Variants in TSHR observed in about 807,000 individuals in gnomAD.
TSHR encodes the protein thyroid stimulating hormone receptor, also known as thyrotropin receptor.
TSHR carries 51 observed loss-of-function variants against 64.1 expected under a neutral mutation model. The observed-to-expected ratio is 0.80, with a 90% CI of 0.64 to 1.01. The LOEUF (loss-of-function observed/expected upper bound fraction) is 1.01. Among genes scored for constraint, TSHR ranks in the 50% least tolerant of loss-of-function variants. TSHR has a pLI of 0.00. For synonymous variants in TSHR, 361 were observed against 361.9 expected (o/e 1.00, Z 0.03); for missense variants, 877 against 942.8 (o/e 0.93, Z 0.91).
intron 1 of TSHR, among the ~76,000 whole-genome samples, chr14:81,043,109 A>G (rs2139849216): frequency 6.6e-6 from 1 of 152,322 alleles, no homozygotes; most frequent in African/African-American, 2.4e-5. Context: ...AGAGAAAGAA[A>G]TAAAGAGTAT....
At position 81,144,218 on chromosome 14, in the gene TSHR, G is replaced by C; in HGVS notation, c.2160G>C (p.Gln720His). The change falls in exon 10 of 10, where the codon CAG becomes CAC. Residue 720 changes from glutamine to histidine, a missense_variant. Physicochemically the swap from Gln to His is conservative, Grantham distance 24. Coordinates refer to ENST00000298171, the MANE Select transcript of TSHR (RefSeq NM_000369.5). ...CTCCAAAGAACAGCACTGATATTCA[G>C]GTTCAAAAGGTTACCCACGAGATGA... is the stretch of plus-strand genomic sequence containing the variant. Reference protein sequence around the residue: ...RVPPKNSTDIQVQKVTHEMRQ... With the variant: ...RVPPKNSTDIHVQKVTHEMRQ... 6.2e-7 allele frequency: 1 copy of C among 1,613,336 alleles called. No homozygotes were observed.
In TSHR at chr14:81,062,918, T is replaced by G. The variant is rs1886345039; in HGVS notation, c.242+699T>G. Among the ~76,000 whole-genome samples the G allele has an allele frequency of 2.6e-5, 4 of 152,216 alleles. 1 individual carries two copies. The highest frequency in any genetic ancestry group is 4.2e-4 in the South Asian group (2 of 4,818). On this transcript the variant is annotated intron_variant, in intron 2 of 9. Coordinates refer to ENST00000298171, the MANE Select transcript of TSHR (RefSeq NM_000369.5). ...TCACTCCGTGGCCATTTTGTTAGTG[T>G]TTCTGTCATTTCAGTAGTTCTCAAC...
At chr14:81,091,961 T>A (rs188824848) in intron 5 of TSHR, among the ~76,000 whole-genome samples, 8 of 152,372 alleles carry the variant, frequency 5.3e-5, no homozygotes, top group Admixed American at 5.2e-4. Context: ...AAATGTAGAA[T>A]GATAAGCTTC....
intron 1 of TSHR, among the ~76,000 whole-genome samples, chr14:81,011,101 G>A (rs1889880517): frequency 6.6e-6 from 1 of 152,212 alleles, no homozygotes; most frequent in African/African-American, 2.4e-5. Flanking sequence ...ACATGACTGA[G>A]TTGGGTTTTT....
intron 1 of TSHR, chr14:80,983,038 A>T: frequency 1.8e-6 from 1 of 546,836 alleles, no homozygotes; most frequent in East Asian, 2.8e-5. Context: ...GGGTATCCAT[A>T]ACGTTCACCC....
chr14:81,114,131 G>A lies in TSHR; in HGVS notation c.692+5679G>A, dbSNP rs114470391. On this transcript the variant is annotated intron_variant, in intron 8 of 9. Coordinates refer to ENST00000298171, the MANE Select transcript of TSHR (RefSeq NM_000369.5). ...AGGAAGCTGACAGGCCCAAGGAAAA[G>A]AAAAAAAAAAAAAACCTACAAAAAG... Among the ~76,000 whole-genome samples, 252 of 142,518 alleles carry A rather than the reference G, an allele frequency of 1.8e-3. No individual in the cohort carries two copies. The Middle Eastern group carries it at 0.018, about 10-fold the overall frequency. 93.5% of individuals were successfully genotyped at this position (142,518 alleles called of 152,430 possible).
At chr14:81,070,469 A>T (rs1886977504) in intron 3 of TSHR, among the ~76,000 whole-genome samples, 1 of 151,812 alleles carries the variant, frequency 6.6e-6, no homozygotes, top group African/African-American at 2.4e-5. Context: ...TCTACTAAAA[A>T]CACAAAAATT....
chr14:81,001,953 T>C (rs1357613477), intron 1 of TSHR, among the ~76,000 whole-genome samples: 1 of 152,128 alleles, frequency 6.6e-6, no homozygotes, highest in Non-Finnish European at 1.5e-5. Context: ...AAGACACACT[T>C]GGCTATTGCA....
intron 8 of TSHR, among the ~76,000 whole-genome samples, chr14:81,115,661 A>T (rs1055120418): frequency 1.8e-4 from 28 of 152,080 alleles, no homozygotes; most frequent in African/African-American, 6.3e-4. Flanking sequence ...CAACGTTCAG[A>T]TTCAGGAAAT....
chr14:80,983,915 G>T (rs1189212425), intron 1 of TSHR, among the ~76,000 whole-genome samples: 9 of 152,212 alleles, frequency 5.9e-5, no homozygotes, highest in Non-Finnish European at 1.0e-4. Context: ...CGAGTTCGTT[G>T]TAAGTGAGCT....
At chr14:81,076,680 C>T (rs2139934955) in intron 3 of TSHR, among the ~76,000 whole-genome samples, 1 of 152,246 alleles carries the variant, frequency 6.6e-6, no homozygotes, top group South Asian at 2.1e-4. Context: ...ATTCTACTAC[C>T]CTAATATACA....
chr14:81,123,063 G>T (rs575372552), intron 8 of TSHR, among the ~76,000 whole-genome samples: 173 of 152,212 alleles, frequency 1.1e-3, no homozygotes, highest in African/African-American at 4.0e-3. Context: ...GGAAGCAGAG[G>T]TTGCAGTGAG....
In TSHR at chr14:81,035,916, G is replaced by A. The variant is rs74064829; in HGVS notation, c.171-26232G>A. Among the ~76,000 whole-genome samples the A allele has an allele frequency of 7.9e-3, 1,196 of 152,104 alleles. 16 individuals are homozygous for A. Among genetic ancestry groups the A allele is most frequent in the African/African-American group, 0.026 (1,084 of 41,514 alleles). ...TAAAAAGAACCAAACAGAAATTTTG[G>A]AGCTGAAAAATTTAACCAATAAAAT... is the stretch of plus-strand genomic sequence containing the variant. On this transcript the variant is annotated intron_variant, in intron 1 of 9. Transcript: ENST00000298171.
intron 1 of TSHR, among the ~76,000 whole-genome samples, chr14:80,999,621 A>T (rs553018474): frequency 4.0e-4 from 61 of 152,200 alleles, no homozygotes; most frequent in African/African-American, 1.3e-3. Context: ...CTAAAAGTGG[A>T]TTTTTTTCCA....
At chr14:81,059,322 G>T (rs1886056620) in intron 1 of TSHR, among the ~76,000 whole-genome samples, 1 of 152,118 alleles carries the variant, frequency 6.6e-6, no homozygotes, top group Non-Finnish European at 1.5e-5. Flanking sequence ...AGCCAGAAAA[G>T]AAATTAAAGG....
intron 1 of TSHR, among the ~76,000 whole-genome samples, chr14:81,007,813 A>T (rs1889680601): frequency 6.6e-6 from 1 of 152,236 alleles, no homozygotes; most frequent in Non-Finnish European, 1.5e-5. Context: ...TTGAAAAGGA[A>T]ATCTGTATTC....
Position 81,103,644 on chromosome 14 carries a change from G to T in TSHR, c.615-4731G>T. On this transcript the variant is annotated intron_variant, in intron 7 of 9. Transcript: ENST00000298171. The surrounding 1 kb of genome is among the most constrained non-coding windows in gnomAD (Gnocchi z 4.1). ...GACTTCCTATGGCGCCAAGAATGTT[G>T]TCATCACTCAGAGGTGAAATTAATA... The T allele has an allele frequency of 1.0e-6, 1 of 985,442 alleles. No homozygotes were observed. The highest frequency in any genetic ancestry group is 1.2e-6 in the Non-Finnish European group (1 of 829,936). The allele number at this position is 985,442 out of a possible 1,614,324, so 61.0% of individuals were successfully genotyped here. A position where few individuals can be genotyped will look rare whatever the true frequency, so the allele number is the denominator to read the frequency against.
Position 81,144,964 on chromosome 14 carries a change from T to A in TSHR, c.*611T>A, listed in dbSNP as rs953439381. 3 of 234,270 alleles carry A rather than the reference T, an allele frequency of 1.3e-5. No homozygotes were observed. The highest frequency in any genetic ancestry group is 2.5e-5 in the Non-Finnish European group (3 of 118,924). The allele number at this position is 234,270 out of a possible 1,614,324, so 14.5% of individuals were successfully genotyped here. On this transcript the variant is annotated 3_prime_UTR_variant, in exon 10 of 10. Transcript: ENST00000298171. ...GTTTTTTAACTCAACCTATTAATCA[T>A]CTCTTCACAAGAATCCACCTGATGT...
intron 1 of TSHR, among the ~76,000 whole-genome samples, chr14:81,018,099 G>A (rs1439891626): frequency 1.3e-5 from 2 of 152,088 alleles, no homozygotes; most frequent in Non-Finnish European, 2.9e-5. Context: ...CCAAAGTGCA[G>A]GAATTACAAT....
Sources: gnomAD v4.1 joint callset for allele counts (sites outside exome capture counted in the v4.1 genomes callset) on GRCh38, gnomAD v4.1.1 for gene constraint, Gnocchi (gnomAD v3.1) non-coding constraint, MANE v1.5 for transcripts, NCBI Gene and HGNC (gene_info 2026-07-23, HGNC 2026-07-21) for gene names.